ULK4: variants seen among roughly 807,000 people sequenced by gnomAD.
The protein encoded by ULK4 is inactive serine/threonine-protein kinase ULK4.
Under a neutral mutation model 160.6 loss-of-function variants are expected in ULK4, and 133 were observed. That is an observed-to-expected ratio of 0.83 (90% CI 0.72 to 0.96). The LOEUF (loss-of-function observed/expected upper bound fraction) is 0.96. Ranked by LOEUF, ULK4 falls within the 40% of genes least tolerant of loss-of-function variation. The pLI is 0.00. For missense variants in ULK4, 1,580 were observed against 1,499.5 expected, an observed-to-expected ratio of 1.05 and a Z score of -0.89; for synonymous variants, 534 against 539.8, an observed-to-expected ratio of 0.99 and a Z score of 0.15.
rs889111619 is a variant in ULK4 at position 41,919,117 on chromosome 3, T to C, written c.644-577A>G. On this transcript the variant is annotated intron_variant, in intron 6 of 36. Coordinates refer to ENST00000301831, the MANE Select transcript of ULK4 (RefSeq NM_017886.4). The stretch of plus-strand genomic sequence containing the variant: ...ATGGGTGCATGGGCCATTCAAATCA[T>C]CTGAATAATACACAATTGCAAGGCA... Among the ~76,000 whole-genome samples the C allele has an allele frequency of 6.6e-5, 10 of 152,062 alleles. No individual in the cohort carries two copies. In the South Asian group the frequency reaches 1.5e-3, roughly 22 times the overall value.
intron 35 of ULK4, among the ~76,000 whole-genome samples, chr3:41,305,578 A>G (rs1444337856): frequency 6.6e-6 from 1 of 151,596 alleles, no homozygotes; most frequent in African/African-American, 2.4e-5. Flanking sequence ...TACAACGTCC[A>G]CCTCCCAGCC....
intron 12 of ULK4, among the ~76,000 whole-genome samples, chr3:41,904,310 TCA>T (rs1301528235): frequency 6.6e-6 from 1 of 151,980 alleles, no homozygotes; most frequent in Non-Finnish European, 1.5e-5. Context: ...ATACTTGTAG[TCA>T]CAGTTACTCA....
At chr3:41,641,941 T>C (rs371444831) in intron 30 of ULK4, among the ~76,000 whole-genome samples, 140 of 151,440 alleles carry the variant, frequency 9.2e-4, no homozygotes, top group African/African-American at 3.1e-3. Context: ...AATGGCGTGA[T>C]CTCGGCTCAC....
chr3:41,930,742 C>G (rs1205562651), intron 5 of ULK4, among the ~76,000 whole-genome samples: 3 of 152,138 alleles, frequency 2.0e-5, no homozygotes, highest in Non-Finnish European at 2.9e-5. Context: ...TGAAAAAAAG[C>G]TCACCAGCAC....
intron 31 of ULK4, among the ~76,000 whole-genome samples, chr3:41,570,176 G>A (rs996299594): frequency 1.3e-5 from 2 of 152,196 alleles, no homozygotes; most frequent in African/African-American, 4.8e-5. Flanking sequence ...AGAGCCACTT[G>A]ATTTCATATG....
intron 31 of ULK4, among the ~76,000 whole-genome samples, chr3:41,592,299 A>C (rs1198644199): frequency 1.3e-5 from 2 of 152,074 alleles, no homozygotes; most frequent in African/African-American, 4.8e-5. Context: ...GGTGTAGAGG[A>C]AGCAGCGGGA....
At chr3:41,833,297 T>TTTTG (rs2041654380) in intron 18 of ULK4, among the ~76,000 whole-genome samples, 2 of 139,032 alleles carry the variant, frequency 1.4e-5, no homozygotes, top group African/African-American at 2.7e-5. Context: ...TTTTTTTTTT[T>TTTTG]TTTGTTTGTT....
intron 35 of ULK4, among the ~76,000 whole-genome samples, chr3:41,322,754 C>A (rs1414365686): frequency 3.9e-5 from 6 of 152,136 alleles, no homozygotes; most frequent in Middle Eastern, 3.2e-3. Context: ...TAAACTGTAT[C>A]CAATATTTTT....
At chr3:41,455,296 T>C (rs1264285457) in intron 34 of ULK4, among the ~76,000 whole-genome samples, 1 of 152,204 alleles carries the variant, frequency 6.6e-6, no homozygotes, top group Non-Finnish European at 1.5e-5. Flanking sequence ...CTTACCTAAA[T>C]ATCTATTTAA....
chr3:41,786,540 T>C (rs1439121015), intron 21 of ULK4, among the ~76,000 whole-genome samples: 1 of 140,020 alleles, frequency 7.1e-6, no homozygotes, highest in Non-Finnish European at 1.5e-5. Context: ...AAGGCTACAA[T>C]GAGCCAAGAT....
At chr3:41,842,630 T>A (rs1392712670) in intron 17 of ULK4, among the ~76,000 whole-genome samples, 1 of 150,554 alleles carries the variant, frequency 6.6e-6, no homozygotes. Context: ...CCATGGGATG[T>A]CTACTCCCCT....
chr3:41,717,711 A>G lies in ULK4; in HGVS notation c.2455+17T>C. ...GTAAAAGCAGAAATGGGGCCTGAGG[A>G]TGAGACTCCAATTTACCCAGGATTC... is the stretch of plus-strand genomic sequence containing the variant. On this transcript the variant is annotated intron_variant, in intron 23 of 36. Coordinates refer to ENST00000301831, the MANE Select transcript of ULK4 (RefSeq NM_017886.4). 6.2e-7 allele frequency: 1 copy of G among 1,602,498 alleles called. No individual in the cohort carries two copies. Among genetic ancestry groups the G allele is most frequent in the South Asian group, 1.1e-5 (1 of 89,926 alleles).
intron 27 of ULK4, among the ~76,000 whole-genome samples, chr3:41,702,333 T>A (rs571591328): frequency 6.6e-6 from 1 of 151,960 alleles, no homozygotes; most frequent in Non-Finnish European, 1.5e-5. Context: ...TTAGTAGAGA[T>A]GGGATTTCAC....
chr3:41,297,820 CAGA>C (rs1357595922), intron 35 of ULK4, among the ~76,000 whole-genome samples: 3 of 152,182 alleles, frequency 2.0e-5, no homozygotes, highest in Non-Finnish European at 4.4e-5. Flanking sequence ...GTAACACTGT[CAGA>C]AGTTTTTGGG....
At chr3:41,374,032 T>C (rs879601809) in intron 35 of ULK4, among the ~76,000 whole-genome samples, 6 of 151,980 alleles carry the variant, frequency 3.9e-5, no homozygotes, top group Non-Finnish European at 7.4e-5. Context: ...AACTAGACAA[T>C]CTAGAAGAAA....
chr3:41,890,787 A>G (rs973740971), intron 16 of ULK4, among the ~76,000 whole-genome samples: 3 of 8,096 alleles, frequency 3.7e-4, no homozygotes, highest in South Asian at 9.8e-3. Context: ...CAGGAGGGAC[A>G]GGAGGGACGG....
chr3:41,342,744 C>A (rs1230936362), intron 35 of ULK4, among the ~76,000 whole-genome samples: 1 of 152,176 alleles, frequency 6.6e-6, no homozygotes, highest in Non-Finnish European at 1.5e-5. Flanking sequence ...AGGCCAATAT[C>A]CCCGATGAAC....
At chr3:41,866,296 T>C (rs986426691) in intron 17 of ULK4, among the ~76,000 whole-genome samples, 2 of 152,190 alleles carry the variant, frequency 1.3e-5, no homozygotes, top group African/African-American at 4.8e-5. Flanking sequence ...AGACCTGATG[T>C]TGACTGAATA....
At chr3:41,642,530 T>C (rs1044892914) in intron 30 of ULK4, among the ~76,000 whole-genome samples, 1 of 152,238 alleles carries the variant, frequency 6.6e-6, no homozygotes, top group Non-Finnish European at 1.5e-5. Flanking sequence ...CATCATTTTT[T>C]ATGGCTGCAC....
Sources: allele counts gnomAD v4.1 joint callset (sites outside exome capture counted in the v4.1 genomes callset), GRCh38; gene constraint gnomAD v4.1.1; transcripts MANE v1.5; gene names NCBI Gene and HGNC (gene_info 2026-07-23, HGNC 2026-07-21).